LRMDA: variants seen among roughly 807,000 people sequenced by gnomAD.
The protein encoded by LRMDA is leucine rich melanocyte differentiation associated.
A neutral mutation model predicts 29.8 loss-of-function variants in LRMDA; 18 were observed. The ratio of observed to expected loss-of-function variants is 0.60; its 90% CI spans 0.42 to 0.90. The LOEUF (loss-of-function observed/expected upper bound fraction) is 0.90. LRMDA is among the 40% of genes least tolerant of loss of function. The pLI, the probability that LRMDA is intolerant of heterozygous loss-of-function variation, is 0.00. For synonymous variants in LRMDA, 125 were observed against 109.4 expected (o/e 1.14, Z -0.89); for missense variants, 273 against 273.9 (o/e 1.00, Z 0.02).
At chr10:76,285,973 TA>T (rs1840266134) in intron 5 of LRMDA, among the ~76,000 whole-genome samples, 1 of 152,172 alleles carries the variant, frequency 6.6e-6, no homozygotes, top group South Asian at 2.1e-4. Flanking sequence ...TTATTCTGGA[TA>T]TGTGGGACTG....
intron 5 of LRMDA, among the ~76,000 whole-genome samples, chr10:76,185,409 T>C (rs752925615): frequency 2.0e-5 from 3 of 152,212 alleles, no homozygotes; most frequent in Non-Finnish European, 4.4e-5. Context: ...CTCTAAGAAA[T>C]ATGAATGATA....
intron 2 of LRMDA, among the ~76,000 whole-genome samples, chr10:75,922,248 A>G (rs1159306594): frequency 6.6e-6 from 1 of 152,100 alleles, no homozygotes; most frequent in Non-Finnish European, 1.5e-5. Flanking sequence ...AAGTGTTCCT[A>G]CTCTGAAGCT....
intron 6 of LRMDA, among the ~76,000 whole-genome samples, chr10:76,462,077 C>CAA (rs1554822382): frequency 8.2e-6 from 1 of 122,592 alleles, no homozygotes; most frequent in Admixed American, 8.5e-5. Context: ...AAAAAAAAAA[C>CAA]CACACACACA....
chr10:76,355,420 G>T (rs1841227427), intron 6 of LRMDA, among the ~76,000 whole-genome samples: 1 of 152,124 alleles, frequency 6.6e-6, no homozygotes, highest in Non-Finnish European at 1.5e-5. Context: ...AAAGTAATTT[G>T]TTCAATATGA....
At chr10:75,517,222 TCCAAATCTGTGAAGAAAG>T (rs1167769696) in intron 2 of LRMDA, among the ~76,000 whole-genome samples, 1 of 152,178 alleles carries the variant, frequency 6.6e-6, no homozygotes, top group Non-Finnish European at 1.5e-5. Context: ...AGTAGTTTTT[TCCAAATCTGTGAAGAAAG>T]TCAATGGTAG....
chr10:76,141,408 C>T (rs552377606), intron 5 of LRMDA, among the ~76,000 whole-genome samples: 14 of 152,170 alleles, frequency 9.2e-5, no homozygotes, highest in South Asian at 8.3e-4. Context: ...TAGTAGCTGG[C>T]GCAGTGCCCT....
chr10:75,827,148 A>G (rs1401502851), intron 2 of LRMDA, among the ~76,000 whole-genome samples: 3 of 152,202 alleles, frequency 2.0e-5, no homozygotes, highest in Non-Finnish European at 4.4e-5. Context: ...ATGATTGCAC[A>G]TCGCATGTTT....
chr10:75,752,277 T>G (rs181617502), intron 2 of LRMDA, among the ~76,000 whole-genome samples: 2 of 148,872 alleles, frequency 1.3e-5, no homozygotes, highest in East Asian at 4.0e-4. Flanking sequence ...CAGTGGCTGA[T>G]CTCAGCTCAC....
chr10:75,722,650 G>A (rs1437188501), intron 2 of LRMDA, among the ~76,000 whole-genome samples: 1 of 152,142 alleles, frequency 6.6e-6, no homozygotes, highest in African/African-American at 2.4e-5. Context: ...GCGATGTTTA[G>A]TATATGGCGG....
intron 2 of LRMDA, among the ~76,000 whole-genome samples, chr10:75,440,144 G>A (rs567653603): frequency 1.3e-5 from 2 of 150,538 alleles, no homozygotes; most frequent in Admixed American, 6.7e-5. Context: ...TGGACCTTGG[G>A]AGGTGTGTAT....
intron 2 of LRMDA, among the ~76,000 whole-genome samples, chr10:76,028,188 A>G (rs991652015): frequency 2.0e-5 from 3 of 152,184 alleles, no homozygotes; most frequent in African/African-American, 7.2e-5. Flanking sequence ...AAGGATATAA[A>G]TATTTTTATT....
intron 2 of LRMDA, among the ~76,000 whole-genome samples, chr10:75,767,623 T>C (rs991188449): frequency 2.6e-5 from 4 of 152,308 alleles, no homozygotes; most frequent in East Asian, 1.9e-4. Context: ...AAACTTAACG[T>C]GATTTCTACT....
chr10:75,911,272 C>T (rs573943179), intron 2 of LRMDA, among the ~76,000 whole-genome samples: 1 of 152,038 alleles, frequency 6.6e-6, no homozygotes, highest in Admixed American at 6.5e-5. Context: ...GGCTGGGCCC[C>T]GAGGCTATTT....
At chr10:76,049,714 C>T (rs1040135488) in intron 4 of LRMDA, among the ~76,000 whole-genome samples, 3 of 152,104 alleles carry the variant, frequency 2.0e-5, no homozygotes, top group African/African-American at 7.2e-5. Flanking sequence ...TCTGGAGTTC[C>T]TGTGGCATTT....
At chr10:76,462,059 C>CAA (rs386371868) in intron 6 of LRMDA, among the ~76,000 whole-genome samples, 16,580 of 121,922 alleles carry the variant, frequency 0.14, 1,372 homozygotes, top group Admixed American at 0.19. Flanking sequence ...AACTCTGTCT[C>CAA]AAAAAAAAAA....
chr10:76,514,952 A>C (rs1843044951), intron 6 of LRMDA, among the ~76,000 whole-genome samples: 1 of 152,156 alleles, frequency 6.6e-6, no homozygotes, highest in African/African-American at 2.4e-5. Flanking sequence ...CTTGCCTATA[A>C]AACTGCTAAT....
intron 5 of LRMDA, among the ~76,000 whole-genome samples, chr10:76,321,094 C>T (rs966453351): frequency 5.9e-5 from 9 of 152,180 alleles, no homozygotes; most frequent in African/African-American, 2.2e-4. Flanking sequence ...TCCTCATCGA[C>T]AGACATTTGA....
chr10:76,135,771 C>CTTT (rs199666457), intron 5 of LRMDA, among the ~76,000 whole-genome samples: 1 of 141,794 alleles, frequency 7.1e-6, no homozygotes, highest in East Asian at 2.1e-4. Flanking sequence ...AATTTTCTTT[C>CTTT]TTTTTTTTTT....
At chr10:76,531,370 T>A (rs1459291040) in intron 6 of LRMDA, among the ~76,000 whole-genome samples, 1 of 152,196 alleles carries the variant, frequency 6.6e-6, no homozygotes, top group African/African-American at 2.4e-5. Context: ...ATCTTTTTTC[T>A]AGTGGAGGAA....
Sources: gnomAD v4.1 joint callset for allele counts (sites outside exome capture counted in the v4.1 genomes callset) on GRCh38, gnomAD v4.1.1 for gene constraint, MANE v1.5 for transcripts, NCBI Gene and HGNC (gene_info 2026-07-23, HGNC 2026-07-21) for gene names.